EPHA6: variants seen among roughly 807,000 people sequenced by gnomAD.
The protein encoded by EPHA6 is ephrin type-A receptor 6.
Under a neutral mutation model 112.0 loss-of-function variants are expected in EPHA6, and 50 were observed. The observed-to-expected ratio is 0.45, with a 90% confidence interval of 0.36 to 0.56. EPHA6 has a LOEUF of 0.56. Ranked by LOEUF, EPHA6 falls within the 20% of genes least tolerant of loss-of-function variation. The probability of loss-of-function intolerance (pLI) is 0.00; values close to 1 mark genes in which losing one functional copy is unlikely to be tolerated. For synonymous variants in EPHA6, 529 were observed against 490.7 expected, an observed-to-expected ratio of 1.08 and a Z score of -1.03; for missense variants, 1,280 against 1,417.4, an observed-to-expected ratio of 0.90 and a Z score of 1.56.
intron 10 of EPHA6, among the ~76,000 whole-genome samples, chr3:97,500,312 G>T (rs1452158675): frequency 1.3e-5 from 2 of 151,918 alleles, no homozygotes; most frequent in Non-Finnish European, 2.9e-5. Context: ...AGGTTTAATT[G>T]GGTTAAAATT....
intron 5 of EPHA6, among the ~76,000 whole-genome samples, chr3:97,393,556 T>C (rs1423423258): frequency 4.0e-5 from 6 of 151,846 alleles, no homozygotes; most frequent in African/African-American, 1.4e-4. Context: ...TCATCATTAA[T>C]ACAGAGAATT....
chr3:97,697,218 G>C (rs895912688), intron 14 of EPHA6, among the ~76,000 whole-genome samples: 10 of 152,102 alleles, frequency 6.6e-5, no homozygotes, highest in African/African-American at 2.4e-4. Flanking sequence ...CAGTGATCTG[G>C]GTATGGAGCA....
At chr3:96,938,939 C>T (rs558325368) in intron 2 of EPHA6, among the ~76,000 whole-genome samples, 1 of 152,320 alleles carries the variant, frequency 6.6e-6, no homozygotes, top group African/African-American at 2.4e-5. Flanking sequence ...ACCAGCCTTG[C>T]ATCCCAGGGA....
At chr3:97,667,954 C>T (rs1009521) in intron 14 of EPHA6, among the ~76,000 whole-genome samples, 40,985 of 152,060 alleles carry the variant, frequency 0.27, 6,157 homozygotes, top group Non-Finnish European at 0.35. Flanking sequence ...ACAGAGAGAG[C>T]GCTAAATAAA....
intron 2 of EPHA6, among the ~76,000 whole-genome samples, chr3:96,884,900 G>A (rs1003104900): frequency 7.9e-5 from 12 of 152,044 alleles, no homozygotes; most frequent in African/African-American, 2.9e-4. Flanking sequence ...TATATTGCAT[G>A]TATGCCAATT....
chr3:97,454,702 C>G (rs1047786509), intron 7 of EPHA6, among the ~76,000 whole-genome samples: 1 of 151,838 alleles, frequency 6.6e-6, no homozygotes, highest in Non-Finnish European at 1.5e-5. Flanking sequence ...CTTCCCTAAA[C>G]TCTTTTTTAA....
chr3:97,019,813 C>T (rs577961978), intron 3 of EPHA6, among the ~76,000 whole-genome samples: 1 of 152,078 alleles, frequency 6.6e-6, no homozygotes, highest in South Asian at 2.1e-4. Context: ...AAAACATATA[C>T]ATAATTATTA....
chr3:97,140,762 T>C (rs2075879257), intron 3 of EPHA6, among the ~76,000 whole-genome samples: 1 of 152,098 alleles, frequency 6.6e-6, no homozygotes, highest in Admixed American at 6.6e-5. Flanking sequence ...ATAAAGCAGT[T>C]ACACAAATGA....
intron 2 of EPHA6, among the ~76,000 whole-genome samples, chr3:96,976,109 C>CT (rs2042510817): frequency 6.6e-6 from 1 of 152,010 alleles, no homozygotes; most frequent in African/African-American, 2.4e-5. Flanking sequence ...TTATGCATGT[C>CT]TAAGTATTTC....
At chr3:96,871,699 T>G (rs963383792) in intron 2 of EPHA6, among the ~76,000 whole-genome samples, 3 of 152,100 alleles carry the variant, frequency 2.0e-5, no homozygotes, top group Non-Finnish European at 4.4e-5. Context: ...GTGGACATGG[T>G]CAGTCATTAC....
At chr3:96,943,711 TGATA>T (rs2041100659) in intron 2 of EPHA6, among the ~76,000 whole-genome samples, 1 of 152,208 alleles carries the variant, frequency 6.6e-6, no homozygotes, top group Non-Finnish European at 1.5e-5. Context: ...GACTGTTGTA[TGATA>T]GAGTATGGTG....
intron 3 of EPHA6, among the ~76,000 whole-genome samples, chr3:97,098,964 T>TGA (rs2047325959): frequency 1.3e-5 from 2 of 151,904 alleles, no homozygotes; most frequent in African/African-American, 4.8e-5. Context: ...TAAGAATTTA[T>TGA]GAGATTCTAT....
chr3:97,167,677 A>G (rs1170190388), intron 3 of EPHA6, among the ~76,000 whole-genome samples: 3 of 152,138 alleles, frequency 2.0e-5, no homozygotes, highest in Non-Finnish European at 4.4e-5. Flanking sequence ...TTTTAATACT[A>G]TCAAACTCTA....
rs1333902137 is a variant in EPHA6, at chr3:97,648,683, CTTAAA to C, written c.2784+10607_2784+10611del. 68 of 1,033,622 alleles carry C rather than the reference CTTAAA, an allele frequency of 6.6e-5. 1 individual carries two copies. In the South Asian group the frequency reaches 9.7e-4, roughly 15 times the overall value. 64.0% of individuals were successfully genotyped at this position (1,033,622 alleles called of 1,614,324 possible). Reference sequence around the variant, plus strand: ...CTCAGAACTTTCACTCACTTTGTCTCTTAAATTAAAGAGTTGGTGTAAAAAGTTTG... The same window carrying C: ...CTCAGAACTTTCACTCACTTTGTCTCTTAAAGAGTTGGTGTAAAAAGTTTG... On this transcript the variant is annotated intron_variant, in intron 14 of 17. Transcript: ENST00000389672.
At chr3:97,305,676 A>C (rs2081287866) in intron 5 of EPHA6, among the ~76,000 whole-genome samples, 1 of 151,996 alleles carries the variant, frequency 6.6e-6, no homozygotes, top group Non-Finnish European at 1.5e-5. Context: ...ATGAGAACAC[A>C]TGGACACAGG....
intron 16 of EPHA6, among the ~76,000 whole-genome samples, chr3:97,738,158 AT>A (rs5851079): frequency 0.5 from 75,248 of 150,924 alleles, 19,075 homozygotes; most frequent in African/African-American, 0.61. Context: ...CATAATACCA[AT>A]TTTTTTTTTT....
At chr3:96,907,424 A>T (rs1360197675) in intron 2 of EPHA6, among the ~76,000 whole-genome samples, 1 of 151,686 alleles carries the variant, frequency 6.6e-6, no homozygotes, top group African/African-American at 2.4e-5. Flanking sequence ...TTACCTTCTG[A>T]TGTCTTGCAA....
At chr3:97,261,504 T>C (rs2079501548) in intron 5 of EPHA6, among the ~76,000 whole-genome samples, 1 of 152,210 alleles carries the variant, frequency 6.6e-6, no homozygotes, top group Non-Finnish European at 1.5e-5. Flanking sequence ...AACCTGGAGA[T>C]GTTATACATC....
intron 5 of EPHA6, among the ~76,000 whole-genome samples, chr3:97,373,761 A>T (rs759808296): frequency 3.9e-4 from 60 of 152,136 alleles, no homozygotes; most frequent in Non-Finnish European, 5.3e-4. Context: ...TATTACTAAG[A>T]ATTCATACAT....
Sources: allele counts gnomAD v4.1 joint callset (sites outside exome capture counted in the v4.1 genomes callset), GRCh38; gene constraint gnomAD v4.1.1; transcripts MANE v1.5; gene names NCBI Gene and HGNC (gene_info 2026-07-23, HGNC 2026-07-21).